DYNC2LI1: variants seen among roughly 807,000 people sequenced by gnomAD.
DYNC2LI1 encodes dynein cytoplasmic 2 light intermediate chain 1, also known as cytoplasmic dynein 2 light intermediate chain 1.
Under a neutral mutation model 51.9 loss-of-function variants are expected in DYNC2LI1, and 45 were observed. That is an observed-to-expected ratio of 0.87 (90% CI 0.68 to 1.11). The LOEUF (loss-of-function observed/expected upper bound fraction) is 1.11. DYNC2LI1 is among the 50% of genes most tolerant of loss of function. The pLI is 0.00. For synonymous variants in DYNC2LI1, 130 were observed against 137.8 expected (o/e 0.94, Z 0.40); for missense variants, 490 against 417.4 (o/e 1.17, Z -1.51).
At chr2:43,822,105 G>C in the DYNC2LI1 span, among the ~76,000 whole-genome samples, 1 of 152,200 alleles carries the variant, frequency 6.6e-6, no homozygotes, top group Admixed American at 6.5e-5. Flanking sequence ...CATCATTTAA[G>C]TAACTGCCCC....
rs1463555879 is a variant in DYNC2LI1, at chr2:43,806,570, T to A, written c.993+1324T>A. ...TGTAACCCTTATTATGTTTGCAGCC[T>A]GGCTATAAGGATTAGTTGGAAGTCA... On this transcript the variant is annotated intron_variant, in intron 12 of 12. Transcript: ENST00000260605. Among the ~76,000 whole-genome samples, 3 of 152,246 alleles carry A rather than the reference T, an allele frequency of 2.0e-5. No individual in the cohort carries two copies. In the East Asian group the frequency reaches 5.8e-4, roughly 29 times the overall value.
chr2:43,777,521 T>C (rs1328745844), intron 2 of DYNC2LI1, among the ~76,000 whole-genome samples: 1 of 152,250 alleles, frequency 6.6e-6, no homozygotes, highest in Non-Finnish European at 1.5e-5. Context: ...GCAAAATGAC[T>C]GGTGACACAA....
chr2:43,806,242 C>T lies in DYNC2LI1; in HGVS notation c.993+996C>T, dbSNP rs947383811. Reference sequence around the variant, plus strand: ...TTTAGTTTTATTTGATAAAATGAGACGTTGTACAGAATCTGTCCTTATATG... The same window carrying T: ...TTTAGTTTTATTTGATAAAATGAGATGTTGTACAGAATCTGTCCTTATATG... On this transcript the variant is annotated intron_variant, in intron 12 of 12. Coordinates refer to ENST00000260605, the MANE Select transcript of DYNC2LI1 (RefSeq NM_016008.4). 5.9e-5 allele frequency among the ~76,000 whole-genome samples: 9 copies of T among 152,202 alleles called. No individual in the cohort carries two copies. In the South Asian group the frequency reaches 1.2e-3, roughly 21 times the overall value.
chr2:43,812,938 A>C, downstream of DYNC2LI1: 1 of 616,972 alleles, frequency 1.6e-6, no homozygotes, highest in South Asian at 1.9e-5. Flanking sequence ...GGGACTATAA[A>C]CCACTTCCAT....
chr2:43,796,333 CA>C (rs367924644), intron 7 of DYNC2LI1, among the ~76,000 whole-genome samples: 11,196 of 106,284 alleles, frequency 0.11, 607 homozygotes, highest in African/African-American at 0.2. Flanking sequence ...ACACTTGTCT[CA>C]AAAAAAAAAA....
intron 5 of DYNC2LI1, 200 bp from the exon 6 acceptor site, chr2:43,794,257 T>G: frequency 1.9e-6 from 1 of 519,316 alleles, no homozygotes; most frequent in Non-Finnish European, 3.3e-6. Flanking sequence ...TTGTAACACT[T>G]AAATATTACT....
At chr2:43,792,604 A>G (rs1485213515) in intron 5 of DYNC2LI1, 5 of 1,444,492 alleles carry the variant, frequency 3.5e-6, no homozygotes, top group Non-Finnish European at 3.7e-6. Context: ...ATACATCTCC[A>G]GAACTTTTTG....
intron 6 of DYNC2LI1, 125 bp from the exon 7 acceptor site, chr2:43,795,765 T>C (rs1674006482): frequency 2.8e-6 from 2 of 713,710 alleles, no homozygotes; most frequent in Admixed American, 5.6e-5. Flanking sequence ...AAATTCTATG[T>C]CAAGCAAATT....
chr2:43,801,720 T>C lies in DYNC2LI1; in HGVS notation c.802+11T>C. On this transcript the variant is annotated intron_variant, in intron 10 of 12. Transcript: ENST00000260605. ...CTTTCGGTCAAATAGGTTAGTGAAC[T>C]TATTAAGATTGTTCAATCTTTTTTT... The C allele has an allele frequency of 6.3e-7, 1 of 1,593,506 alleles. No individual in the cohort carries two copies. The highest frequency in any genetic ancestry group is 8.6e-7 in the Non-Finnish European group (1 of 1,164,672).
chr2:43,795,933 T>A lies in DYNC2LI1; in HGVS notation c.551T>A (p.Ile184Asn). 1 of 1,613,468 alleles carries A rather than the reference T, an allele frequency of 6.2e-7. No homozygotes were observed. The highest frequency in any genetic ancestry group is 2.2e-5 in the East Asian group (1 of 44,810). The change falls in exon 7 of 13, where the codon ATT becomes AAT. Residue 184 changes from isoleucine (I) to asparagine (N), a missense_variant. By Grantham distance (149) the Ile-to-Asn change is moderately radical. Transcript: ENST00000260605. ...CCATTTCCGGTACCTCTGGTCATAA[T>A]TGGAAGTAAATATGATGTTTTTCAG... ...IDPFPVPLVI[I>N]GSKYDVFQDF...
intron 2 of DYNC2LI1, among the ~76,000 whole-genome samples, chr2:43,783,183 C>T (rs985974911): frequency 3.9e-5 from 6 of 152,084 alleles, no homozygotes; most frequent in Admixed American, 6.5e-5. Context: ...CACTAAGCAT[C>T]GGCTTAACCA....
the DYNC2LI1 span, among the ~76,000 whole-genome samples, chr2:43,816,034 G>T: frequency 1.8e-4 from 27 of 152,224 alleles, no homozygotes; most frequent in African/African-American, 6.5e-4. Flanking sequence ...TCTTTCTGAG[G>T]TAGGAACTGT....
chr2:43,811,667 T>G (rs1035688401), downstream of DYNC2LI1, among the ~76,000 whole-genome samples: 3 of 151,950 alleles, frequency 2.0e-5, no homozygotes, highest in African/African-American at 4.8e-5. Flanking sequence ...CATTCTCGGC[T>G]CACTGCAACC....
chr2:43,783,494 A>G (rs1029354464), intron 2 of DYNC2LI1, 26 bp from the exon 3 acceptor site: 2 of 1,512,092 alleles, frequency 1.3e-6, no homozygotes, highest in East Asian at 2.5e-5. Flanking sequence ...ACATTAACGC[A>G]GTGTTCCTTC....
chr2:43,813,127 T>G, downstream of DYNC2LI1: 49 of 1,251,552 alleles, frequency 3.9e-5, no homozygotes, highest in Non-Finnish European at 5.5e-5. Flanking sequence ...TACCTGCTAA[T>G]GAGATGATCC....
chr2:43,811,482 T>A (rs569630409), downstream of DYNC2LI1, among the ~76,000 whole-genome samples: 2 of 152,350 alleles, frequency 1.3e-5, no homozygotes, highest in African/African-American at 2.4e-5. Flanking sequence ...TCATGCGCTC[T>A]CTACCATATT....
chr2:43,815,910 G>GAAAAAAAAA, the DYNC2LI1 span, among the ~76,000 whole-genome samples: 6 of 104,020 alleles, frequency 5.8e-5, no homozygotes, highest in East Asian at 7.0e-4. Context: ...AACAGGAAAA[G>GAAAAAAAAA]AAAAAAAAAA....
intron 5 of DYNC2LI1, among the ~76,000 whole-genome samples, chr2:43,791,885 C>G (rs1398982316): frequency 6.6e-6 from 1 of 151,926 alleles, no homozygotes; most frequent in Non-Finnish European, 1.5e-5. Flanking sequence ...AATTTTTTGG[C>G]TATCATTTGC....
At chr2:43,813,278 T>C (rs1666578032), downstream of DYNC2LI1, 1 of 1,613,830 alleles carries the variant, frequency 6.2e-7, no homozygotes, top group Non-Finnish European at 8.5e-7. Context: ...AGGCACACAT[T>C]GGATTAGTTG....
Sources: allele counts gnomAD v4.1 joint callset (sites outside exome capture counted in the v4.1 genomes callset), GRCh38; gene constraint gnomAD v4.1.1; transcripts MANE v1.5; gene names NCBI Gene and HGNC (gene_info 2026-07-23, HGNC 2026-07-21).